ZNF675: variants seen among roughly 807,000 people sequenced by gnomAD.
The protein encoded by ZNF675 is TRAF6 inhibitory zinc finger.
ZNF675 carries 36 observed loss-of-function variants against 56.1 expected under a neutral mutation model. That is an observed-to-expected ratio of 0.64 (90% CI 0.49 to 0.85). ZNF675 has a LOEUF of 0.85. Ranked by LOEUF, ZNF675 falls within the 40% of genes least tolerant of loss-of-function variation. ZNF675 has a pLI of 0.00. For synonymous variants in ZNF675, 200 were observed against 218.9 expected (o/e 0.91, Z 0.76); for missense variants, 663 against 654.2 (o/e 1.01, Z -0.15).
chr19:23,662,974 C>G, intron 2 of ZNF675, 58 bp downstream of exon 2: 2 of 1,443,520 alleles, frequency 1.4e-6, no homozygotes, highest in African/African-American at 3.1e-5. Flanking sequence ...CAGAGCCAGA[C>G]TCCGTCTCAA....
chr19:23,658,877 A>ATAGATCTAGATCTATATC (rs1568289128), intron 3 of ZNF675, among the ~76,000 whole-genome samples: 3 of 10,426 alleles, frequency 2.9e-4, no homozygotes, highest in Admixed American at 1.2e-3. Context: ...ATCTATAGAT[A>ATAGATCTAGATCTATATC]TCTATAGATA....
intron 1 of ZNF675, among the ~76,000 whole-genome samples, chr19:23,671,475 G>A (rs1968225841): frequency 6.6e-6 from 1 of 152,054 alleles, no homozygotes; most frequent in African/African-American, 2.4e-5. Flanking sequence ...AGAAAAGTGG[G>A]CATTGGGCAA....
rs775772460 is a variant in ZNF675 at position 23,654,543 on chromosome 19, A to G, written c.390T>C (p.Asn130=). ...DECKLHKGGY[N]GLNQCLPTMQ... ...TAGTTGGTAAACATTGGTTAAGTCCATTATAACCTCCCTTGTGCAACTTAC... is the reference window on the plus strand; with the variant it reads ...TAGTTGGTAAACATTGGTTAAGTCCGTTATAACCTCCCTTGTGCAACTTAC... The change falls in exon 4 of 4, where the codon AAT becomes AAC. Residue 130 remains asparagine (N), a synonymous_variant. Coordinates refer to ENST00000359788, the MANE Select transcript of ZNF675 (RefSeq NM_138330.3). 6.2e-7 allele frequency: 1 copy of G among 1,607,976 alleles called. No individual in the cohort carries two copies. Among genetic ancestry groups the G allele is most frequent in the East Asian group, 2.2e-5 (1 of 44,756 alleles).
At position 23,654,477 on chromosome 19, in the gene ZNF675, GACTTTC is replaced by G. The variant is rs1967955760; in HGVS notation, c.450_455del (p.Lys151_Val152del). The stretch of plus-strand genomic sequence containing the variant: ...TATCTGAATGTGAAAATTTATTAAA[GACTTTC>G]ACATATTTATCACATTGAAACATTT... On this transcript the variant is annotated inframe_deletion, in exon 4 of 4. Transcript: ENST00000359788. The G allele has an allele frequency of 8.1e-6, 13 of 1,601,582 alleles. No individual in the cohort carries two copies. The highest frequency in any genetic ancestry group is 1.1e-5 in the Non-Finnish European group (13 of 1,175,068).
At chr19:23,683,858 G>A (rs1021062052) in intron 1 of ZNF675, among the ~76,000 whole-genome samples, 1 of 151,060 alleles carries the variant, frequency 6.6e-6, no homozygotes, top group Non-Finnish European at 1.5e-5. Flanking sequence ...TTAACAAATA[G>A]AATATATAAT....
intron 1 of ZNF675, among the ~76,000 whole-genome samples, chr19:23,682,375 T>C (rs74255620): frequency 0.097 from 14,688 of 151,934 alleles, 937 homozygotes; most frequent in East Asian, 0.22. Flanking sequence ...TGGTACTTCC[T>C]CCTGTTGCAA....
intron 3 of ZNF675, among the ~76,000 whole-genome samples, chr19:23,657,545 G>A (rs1599409085): frequency 6.6e-6 from 1 of 152,058 alleles, no homozygotes; most frequent in Non-Finnish European, 1.5e-5. Context: ...GAGAAACCTC[G>A]TCTCTACTAA....
At chr19:23,682,691 G>A (rs1016514472) in intron 1 of ZNF675, among the ~76,000 whole-genome samples, 1 of 151,488 alleles carries the variant, frequency 6.6e-6, no homozygotes, top group Non-Finnish European at 1.5e-5. Flanking sequence ...GCTTTAGATG[G>A]GCTCAAGCTT....
intron 1 of ZNF675, among the ~76,000 whole-genome samples, chr19:23,671,579 G>A (rs1351761215): frequency 7.3e-6 from 1 of 136,358 alleles, no homozygotes; most frequent in Non-Finnish European, 1.6e-5. Context: ...GCCACCATGG[G>A]GTTGGGTCAG....
In ZNF675 at chr19:23,670,402, A is replaced by G. The variant is rs565438635; in HGVS notation, c.4-7244T>C. On this transcript the variant is annotated intron_variant, in intron 1 of 3. Coordinates refer to ENST00000359788, the MANE Select transcript of ZNF675 (RefSeq NM_138330.3). ...CCTATGTACAGCCCTTCATGACCCT[A>G]TATCAAAACCTAACAATCTGTGAAA... Among the ~76,000 whole-genome samples, 9 of 152,246 alleles carry G rather than the reference A, an allele frequency of 5.9e-5. No homozygotes were observed. In the South Asian group the frequency reaches 6.2e-4, roughly 11 times the overall value.
intron 1 of ZNF675, among the ~76,000 whole-genome samples, chr19:23,678,375 C>T (rs375221977): frequency 1.7e-4 from 26 of 150,784 alleles, no homozygotes; most frequent in African/African-American, 6.4e-4. Flanking sequence ...CTCAGCCACC[C>T]AAGTAGCCGG....
chr19:23,660,920 C>G (rs1378959044), intron 3 of ZNF675, among the ~76,000 whole-genome samples: 1 of 135,376 alleles, frequency 7.4e-6, no homozygotes, highest in Non-Finnish European at 1.5e-5. Context: ...GAATATCATA[C>G]TTTGTAATTT....
intron 1 of ZNF675, among the ~76,000 whole-genome samples, chr19:23,666,696 C>T (rs896271011): frequency 7.2e-5 from 11 of 152,162 alleles, no homozygotes; most frequent in Admixed American, 7.2e-4. Flanking sequence ...GTGAGCCAGG[C>T]AGGAGAGGAG....
At chr19:23,663,299 TAC>T in intron 1 of ZNF675, 141 bp from the exon 2 acceptor site, 1 of 1,106,592 alleles carries the variant, frequency 9.0e-7, no homozygotes, top group South Asian at 1.5e-5. Context: ...TCATATTTTT[TAC>T]ACAGAAATAT....
At chr19:23,662,985 A>C in intron 2 of ZNF675, 47 bp downstream of exon 2, 1 of 1,376,804 alleles carries the variant, frequency 7.3e-7, no homozygotes, top group Non-Finnish European at 9.4e-7. Context: ...TCCGTCTCAA[A>C]AGAAAAACAA....
chr19:23,665,652 C>T (rs550242950), intron 1 of ZNF675, among the ~76,000 whole-genome samples: 35 of 152,130 alleles, frequency 2.3e-4, no homozygotes, highest in Middle Eastern at 3.4e-3. Context: ...CCTGCCACCA[C>T]AAGCAGCTAA....
chr19:23,680,718 C>T (rs1014723782), intron 1 of ZNF675, among the ~76,000 whole-genome samples: 4 of 151,654 alleles, frequency 2.6e-5, no homozygotes, highest in African/African-American at 7.3e-5. Context: ...CGTGCCACTG[C>T]ACTCCAGCCT....
At chr19:23,660,661 A>C (rs1186220050) in intron 3 of ZNF675, among the ~76,000 whole-genome samples, 3 of 151,960 alleles carry the variant, frequency 2.0e-5, no homozygotes, top group Non-Finnish European at 4.4e-5. Flanking sequence ...AAATCTTTAC[A>C]GTGAGAGATA....
rs909317098 is a variant in ZNF675 at position 23,682,174 on chromosome 19, A to C, written c.3+4857T>G. ...CCACAGCAACTAAACTTTGAGCTACACTCAGTCTGAGCCAACATACAACCC... is the reference window on the plus strand; with the variant it reads ...CCACAGCAACTAAACTTTGAGCTACCCTCAGTCTGAGCCAACATACAACCC... On this transcript the variant is annotated intron_variant, in intron 1 of 3. Coordinates refer to ENST00000359788, the MANE Select transcript of ZNF675 (RefSeq NM_138330.3). Among the ~76,000 whole-genome samples the C allele has an allele frequency of 4.0e-5, 6 of 151,844 alleles. 1 individual carries two copies. Among genetic ancestry groups the C allele is most frequent in the African/African-American group, 1.2e-4 (5 of 41,146 alleles).
Sources: allele counts gnomAD v4.1 joint callset (sites outside exome capture counted in the v4.1 genomes callset), GRCh38; gene constraint gnomAD v4.1.1; transcripts MANE v1.5; gene names NCBI Gene and HGNC (gene_info 2026-07-23, HGNC 2026-07-21).